CEP112: variants seen among roughly 807,000 people sequenced by gnomAD.
The protein encoded by CEP112 is centrosomal protein 112.
A neutral mutation model predicts 153.0 loss-of-function variants in CEP112; 127 were observed. That is an observed-to-expected ratio of 0.83 (90% CI 0.72 to 0.96). The LOEUF is 0.96. Ranked by LOEUF, CEP112 falls within the 40% of genes least tolerant of loss-of-function variation. The probability of loss-of-function intolerance (pLI) is 0.00; values close to 1 mark genes in which losing one functional copy is unlikely to be tolerated. For missense variants in CEP112, 1,089 were observed against 1,101.2 expected, an observed-to-expected ratio of 0.99 and a Z score of 0.16; for synonymous variants, 358 against 374.4, an observed-to-expected ratio of 0.96 and a Z score of 0.51.
chr17:65,941,351 C>A (rs2144485380), intron 18 of CEP112: 1 of 152,030 alleles, frequency 6.6e-6, no homozygotes, highest in Non-Finnish European at 1.5e-5. Flanking sequence ...TAATTTAAAA[C>A]ACATTAAAAG....
chr17:65,717,983 T>C (rs2049634977), intron 23 of CEP112, among the ~76,000 whole-genome samples: 1 of 152,194 alleles, frequency 6.6e-6, no homozygotes, highest in African/African-American at 2.4e-5. Flanking sequence ...CTTTTCTCTA[T>C]TAATATAAAA....
intron 21 of CEP112, among the ~76,000 whole-genome samples, chr17:65,807,460 G>A (rs2055676499): frequency 6.6e-6 from 1 of 152,336 alleles, no homozygotes; most frequent in South Asian, 2.1e-4. Context: ...GGAGCCAAAT[G>A]TTAATAGCCA....
chr17:66,188,476 G>A (rs2073033479), intron 1 of CEP112, among the ~76,000 whole-genome samples: 2 of 131,136 alleles, frequency 1.5e-5, no homozygotes, highest in Non-Finnish European at 3.1e-5. Context: ...TCAGGTAAAT[G>A]CAGCTCAAAT....
chr17:65,934,096 C>T (rs111878604), intron 18 of CEP112, among the ~76,000 whole-genome samples: 9,853 of 152,026 alleles, frequency 0.065, 470 homozygotes, highest in African/African-American at 0.12. Context: ...GGCTGAGGCA[C>T]GAGAACTGCT....
chr17:65,937,827 C>G (rs1384451881), intron 18 of CEP112, among the ~76,000 whole-genome samples: 9 of 93,234 alleles, frequency 9.7e-5, no homozygotes, highest in African/African-American at 1.5e-4. Flanking sequence ...CCAGCCGCCC[C>G]GTCCGGGAGG....
intron 25 of CEP112, among the ~76,000 whole-genome samples, chr17:65,637,488 G>A (rs755634885): frequency 3.6e-4 from 55 of 152,152 alleles, no homozygotes; most frequent in Non-Finnish European, 3.5e-4. Flanking sequence ...CTTCCACACC[G>A]TGTCTTTCTC....
chr17:66,132,957 T>C (rs965024142), intron 4 of CEP112, among the ~76,000 whole-genome samples, 194 bp from the exon 5 acceptor site: 1 of 152,042 alleles, frequency 6.6e-6, no homozygotes, highest in African/African-American at 2.4e-5. Context: ...GAGAATCACT[T>C]GAACCTGGGA....
intron 24 of CEP112, among the ~76,000 whole-genome samples, chr17:65,642,624 C>A (rs983213157): frequency 7.2e-5 from 11 of 152,274 alleles, no homozygotes; most frequent in African/African-American, 2.6e-4. Context: ...GATGAAATAT[C>A]TGTTGATTCT....
chr17:65,987,627 C>A (rs951438142), intron 17 of CEP112, among the ~76,000 whole-genome samples: 1 of 152,122 alleles, frequency 6.6e-6, no homozygotes, highest in Non-Finnish European at 1.5e-5. Flanking sequence ...CTCTCCCACA[C>A]AGAAAACCAA....
At chr17:65,652,084 A>C (rs1306724962) in intron 24 of CEP112, among the ~76,000 whole-genome samples, 1 of 152,236 alleles carries the variant, frequency 6.6e-6, no homozygotes, top group Admixed American at 6.5e-5. Context: ...GGAAAATGCA[A>C]ATCAAAACCA....
chr17:66,089,038 C>T (rs1489651899), intron 8 of CEP112, among the ~76,000 whole-genome samples: 1 of 152,006 alleles, frequency 6.6e-6, no homozygotes, highest in African/African-American at 2.4e-5. Context: ...ACCAAAGCAA[C>T]ACATCTACCC....
intron 18 of CEP112, among the ~76,000 whole-genome samples, chr17:65,956,405 T>TACACACACACACACACACACACACAC (rs535606142): frequency 1.4e-5 from 2 of 144,966 alleles, no homozygotes; most frequent in African/African-American, 5.2e-5. Flanking sequence ...TATACATACA[T>TACACACACACACACACACACACACAC]ACATACACAC....
intron 17 of CEP112, among the ~76,000 whole-genome samples, chr17:65,998,026 C>T (rs1362285714): frequency 6.6e-6 from 1 of 151,978 alleles, no homozygotes; most frequent in Non-Finnish European, 1.5e-5. Context: ...CAGAAAAAAA[C>T]AATCATTATT....
chr17:65,821,039 T>C (rs933699278), intron 21 of CEP112, among the ~76,000 whole-genome samples: 3 of 151,964 alleles, frequency 2.0e-5, no homozygotes, highest in Admixed American at 1.3e-4. Flanking sequence ...AAAACAGTTA[T>C]GTAAGCCAAA....
chr17:65,927,500 T>C, intron 19 of CEP112, 82 bp downstream of exon 19: 1 of 731,978 alleles, frequency 1.4e-6, no homozygotes. Context: ...ATTATGCAGA[T>C]ATTTTGTGAT....
chr17:66,058,158 A>G (rs200788966), intron 11 of CEP112, among the ~76,000 whole-genome samples: 1 of 45,410 alleles, frequency 2.2e-5, no homozygotes, highest in Non-Finnish European at 5.0e-5. Flanking sequence ...GTATAACTAG[A>G]AAAAAAAGCT....
chr17:65,813,892 T>C (rs2056123851), intron 21 of CEP112, among the ~76,000 whole-genome samples: 1 of 152,202 alleles, frequency 6.6e-6, no homozygotes, highest in South Asian at 2.1e-4. Flanking sequence ...TTTTATGACA[T>C]TGACAATGTC....
chr17:65,885,005 C>T (rs1011099641), intron 20 of CEP112, among the ~76,000 whole-genome samples: 6 of 152,084 alleles, frequency 3.9e-5, no homozygotes, highest in South Asian at 4.1e-4. Context: ...TGTGAGCCAT[C>T]GCGCCCGGCC....
chr17:65,907,379 G>T (rs1200196840), intron 19 of CEP112, among the ~76,000 whole-genome samples: 1 of 152,172 alleles, frequency 6.6e-6, no homozygotes, highest in African/African-American at 2.4e-5. Context: ...ATGATTGTTA[G>T]TTTGATATTT....
Sources: allele counts gnomAD v4.1 joint callset (sites outside exome capture counted in the v4.1 genomes callset), GRCh38; gene constraint gnomAD v4.1.1; transcripts MANE v1.5; gene names NCBI Gene and HGNC (gene_info 2026-07-23, HGNC 2026-07-21).